Variants in SLC18A2 observed in about 807,000 individuals in gnomAD.
SLC18A2 encodes the protein solute carrier family 18 member A2.
In SLC18A2, 33 loss-of-function variants were observed where a neutral mutation model predicts 59.2. The ratio of observed to expected loss-of-function variants is 0.56; its 90% CI spans 0.42 to 0.75. The LOEUF (loss-of-function observed/expected upper bound fraction) is 0.75. SLC18A2 is among the 30% of genes least tolerant of loss of function. The pLI is 0.00. For synonymous variants in SLC18A2, 228 were observed against 253.5 expected, an observed-to-expected ratio of 0.90 and a Z score of 0.95; for missense variants, 569 against 668.6, an observed-to-expected ratio of 0.85 and a Z score of 1.64.
chr10:117,253,643 C>T (rs974718351), intron 4 of SLC18A2, among the ~76,000 whole-genome samples, 186 bp downstream of exon 4: 35 of 151,982 alleles, frequency 2.3e-4, no homozygotes, highest in African/African-American at 8.2e-4. Flanking sequence ...GTCAGGAGTC[C>T]GAGACCAACC....
intron 5 of SLC18A2, 130 bp downstream of exon 5, chr10:117,254,261 T>C (rs1404634581): frequency 3.1e-5 from 36 of 1,162,308 alleles, no homozygotes; most frequent in Non-Finnish European, 4.4e-5. Context: ...CACTTTCCTC[T>C]TGGGTTCTGC....
Position 117,244,024 on chromosome 10 carries a change from G to A in SLC18A2, c.175G>A (p.Glu59Lys), listed in dbSNP as rs1376200944. ...YSIKHEKNATEIQTARPVHTA... is the reference protein window; with the variant it reads ...YSIKHEKNATKIQTARPVHTA... ...CATTAAGCATGAGAAGAATGCTACA[G>A]AAATCCAGACGGCCAGGCCAGTGCA... The change falls in exon 3 of 16, where the codon GAA (glutamate) becomes AAA (lysine). Residue 59 changes from glutamate to lysine, a missense_variant. Coordinates refer to ENST00000644641, the MANE Select transcript of SLC18A2 (RefSeq NM_003054.6). The A allele has an allele frequency of 6.2e-7, 1 of 1,614,076 alleles. No individual in the cohort carries two copies. Among genetic ancestry groups the A allele is most frequent in the South Asian group, 1.1e-5 (1 of 91,078 alleles).
chr10:117,274,053 G>A (rs774001569), intron 15 of SLC18A2, among the ~76,000 whole-genome samples: 26 of 152,254 alleles, frequency 1.7e-4, no homozygotes, highest in East Asian at 1.2e-3. Context: ...CACTGCGGCC[G>A]CCCTACTTGT....
At position 117,270,132 on chromosome 10, in the gene SLC18A2, C is replaced by T. The variant is rs140884646; in HGVS notation, c.1248C>T (p.Ser416=). ...MGYLVDLRHV[S]VYGSVYAIAD... ...ACCTCGTAGACCTGCGGCACGTGTCCGTCTATGGGAGTGTGTACGCCATTG... is the reference window on the plus strand; with the variant it reads ...ACCTCGTAGACCTGCGGCACGTGTCTGTCTATGGGAGTGTGTACGCCATTG... The change falls in exon 14 of 16, where the codon TCC becomes TCT. Residue 416 remains serine, a synonymous_variant. Coordinates refer to ENST00000644641, the MANE Select transcript of SLC18A2 (RefSeq NM_003054.6). 241 of 1,614,058 alleles carry T rather than the reference C, an allele frequency of 1.5e-4. No individual in the cohort carries two copies. The highest frequency in any genetic ancestry group is 1.6e-4 in the Non-Finnish European group (188 of 1,180,034).
At chr10:117,256,369 C>T (rs954084544) in intron 9 of SLC18A2, among the ~76,000 whole-genome samples, 18 of 152,228 alleles carry the variant, frequency 1.2e-4, no homozygotes, top group African/African-American at 3.9e-4. Flanking sequence ...TGCTGGGCCT[C>T]AGTACCAAGG....
rs1721843893 is a variant in SLC18A2 at position 117,266,967 on chromosome 10, G to A, written c.1071-17G>A. ...AATCAAATGATCATTTCTTGATGGT[G>A]CTTTTTCTTTTGGTAGGTGGCTTTG... On this transcript the variant is annotated splice_polypyrimidine_tract_variant and intron_variant, in intron 11 of 15. Transcript: ENST00000644641. The A allele has an allele frequency of 1.2e-6, 2 of 1,611,194 alleles. No homozygotes were observed. The highest frequency in any genetic ancestry group is 1.3e-5 in the African/African-American group (1 of 74,776).
chr10:117,258,693 A>G (rs891730863), intron 10 of SLC18A2, among the ~76,000 whole-genome samples: 5 of 151,624 alleles, frequency 3.3e-5, no homozygotes, highest in Non-Finnish European at 7.4e-5. Context: ...AGATTCCATC[A>G]CCTTCAACGT....
chr10:117,244,481 A>C (rs1371415984), intron 3 of SLC18A2, among the ~76,000 whole-genome samples, 168 bp downstream of exon 3: 1 of 152,246 alleles, frequency 6.6e-6, no homozygotes, highest in African/African-American at 2.4e-5. Context: ...CCAGATAACC[A>C]CAATTTCCTA....
At chr10:117,270,001 C>T in intron 13 of SLC18A2, 70 bp from the exon 14 acceptor site, 3 of 1,586,246 alleles carry the variant, frequency 1.9e-6, no homozygotes, top group Non-Finnish European at 2.6e-6. Flanking sequence ...TTAAGACACA[C>T]TCCCTGATAT....
chr10:117,277,127 A>T (rs1844507991), intron 15 of SLC18A2, 35 bp from the exon 16 acceptor site: 1 of 1,168,006 alleles, frequency 8.6e-7, no homozygotes, highest in African/African-American at 1.6e-5. Context: ...TTATGAAACA[A>T]GAAGTTAATA....
intron 2 of SLC18A2, among the ~76,000 whole-genome samples, chr10:117,242,310 G>A (rs187248110): frequency 6.6e-6 from 1 of 152,230 alleles, no homozygotes; most frequent in East Asian, 1.9e-4. Context: ...AGGAACCATT[G>A]CAAGAACAAT....
At chr10:117,260,252 C>T (rs1844279936) in intron 10 of SLC18A2, among the ~76,000 whole-genome samples, 4 of 152,276 alleles carry the variant, frequency 2.6e-5, no homozygotes, top group East Asian at 1.9e-4. Flanking sequence ...GCTAGGGGCC[C>T]CACTGCTCTT....
chr10:117,275,288 CACATGTTACA>C (rs150880616), intron 15 of SLC18A2, among the ~76,000 whole-genome samples: 4,906 of 152,250 alleles, frequency 0.032, 86 homozygotes, highest in South Asian at 0.039. Context: ...TCCTTATCTT[CACATGTTACA>C]CAGATCACTG....
intron 10 of SLC18A2, among the ~76,000 whole-genome samples, chr10:117,258,357 G>A (rs1844253642): frequency 6.6e-6 from 1 of 152,080 alleles, no homozygotes; most frequent in Non-Finnish European, 1.5e-5. Flanking sequence ...CCCTCCCCCA[G>A]CCCATCTCCT....
rs200513145 is a variant in SLC18A2 at position 117,255,504 on chromosome 10, G to A, written c.816G>A (p.Pro272=). The change falls in exon 8 of 16, where the codon CCG becomes CCA. Residue 272 remains proline (P), a synonymous_variant. Transcript: ENST00000644641. ...DGAIQLFVLQ[P]SRVQPESQKG... is the part of the protein sequence containing the mutation. ...CTATTCAGCTCTTTGTGCTCCAGCC[G>A]TCCCGGGTGCAGCCAGAGGTAAGCG... 130 of 1,614,052 alleles carry A rather than the reference G, an allele frequency of 8.1e-5. 1 individual carries two copies. In the Middle Eastern group the frequency reaches 1.3e-3, roughly 16 times the overall value.
chr10:117,254,033 C>T lies in SLC18A2; in HGVS notation c.524-15C>T. The stretch of plus-strand genomic sequence containing the variant: ...GCAGCACTGATGTGCGGTCTTGGAC[C>T]CCCTCTCTCGGCAGTGTTTGCCTTC... On this transcript the variant is annotated splice_polypyrimidine_tract_variant and intron_variant, in intron 4 of 15. Coordinates refer to ENST00000644641, the MANE Select transcript of SLC18A2 (RefSeq NM_003054.6). The T allele has an allele frequency of 6.2e-7, 1 of 1,612,226 alleles. No homozygotes were observed. The highest frequency in any genetic ancestry group is 8.5e-7 in the Non-Finnish European group (1 of 1,179,644).
intron 11 of SLC18A2, 52 bp downstream of exon 11, chr10:117,266,863 C>CA (rs753460072): frequency 6.4e-7 from 1 of 1,572,458 alleles, no homozygotes; most frequent in Non-Finnish European, 8.7e-7. Flanking sequence ...GTAGTTCTTT[C>CA]AAAAAATTCT....
At chr10:117,258,766 CTTT>C (rs36039915) in intron 10 of SLC18A2, among the ~76,000 whole-genome samples, 35 of 106,120 alleles carry the variant, frequency 3.3e-4, no homozygotes, top group East Asian at 2.2e-3. Flanking sequence ...ACCCCCGACT[CTTT>C]TTTTTTTTTT....
chr10:117,245,476 G>T (rs1463689402), intron 3 of SLC18A2, among the ~76,000 whole-genome samples: 1 of 152,140 alleles, frequency 6.6e-6, no homozygotes, highest in African/African-American at 2.4e-5. Context: ...AAAAAGAAAT[G>T]AGTGAATCAA....
Sources: allele counts gnomAD v4.1 joint callset (sites outside exome capture counted in the v4.1 genomes callset), GRCh38; gene constraint gnomAD v4.1.1; transcripts MANE v1.5; gene names NCBI Gene and HGNC (gene_info 2026-07-23, HGNC 2026-07-21).